The following KCNN3 variants were observed in gnomAD, a reference collection of about 807,000 sequenced individuals.
The protein encoded by KCNN3 is potassium calcium-activated channel subfamily N member 3, also known as small conductance calcium-activated potassium channel protein 3.
A neutral mutation model predicts 62.9 loss-of-function variants in KCNN3; 16 were observed. The observed-to-expected ratio is 0.25, with a 90% CI of 0.17 to 0.39. The LOEUF (loss-of-function observed/expected upper bound fraction) is 0.39, where lower values mean the gene tolerates loss of function less well. Among genes scored for constraint, KCNN3 ranks in the 10% least tolerant of loss-of-function variants. KCNN3 has a pLI of 1.00. For synonymous variants in KCNN3, 370 were observed against 389.2 expected, an observed-to-expected ratio of 0.95 and a Z score of 0.58; for missense variants, 599 against 949.4, an observed-to-expected ratio of 0.63 and a Z score of 4.85.
At chr1:154,755,331 T>C (rs542698287) in intron 3 of KCNN3, among the ~76,000 whole-genome samples, 15 of 151,794 alleles carry the variant, frequency 9.9e-5, no homozygotes, top group African/African-American at 3.6e-4. Context: ...TAGCCAGGCA[T>C]GGTGGCTTAT....
chr1:154,785,686 A>T (rs142456273), intron 2 of KCNN3, among the ~76,000 whole-genome samples: 3,353 of 149,062 alleles, frequency 0.022, 134 homozygotes, highest in African/African-American at 0.078. Flanking sequence ...GGGTTCAAGC[A>T]ATTATCCTGC....
intron 3 of KCNN3, among the ~76,000 whole-genome samples, chr1:154,744,590 T>A (rs930301662): frequency 1.3e-5 from 2 of 152,218 alleles, no homozygotes; most frequent in Admixed American, 6.5e-5. Flanking sequence ...AAGCCTGAAT[T>A]AGAAGCTATT....
chr1:154,847,628 A>G (rs1004538481), intron 1 of KCNN3, among the ~76,000 whole-genome samples: 3 of 152,216 alleles, frequency 2.0e-5, no homozygotes, highest in African/African-American at 7.2e-5. Context: ...GATTTTCCCC[A>G]GCCCCTCAAA....
intron 3 of KCNN3, among the ~76,000 whole-genome samples, chr1:154,740,921 C>A (rs1311190562): frequency 6.6e-6 from 1 of 152,102 alleles, no homozygotes; most frequent in Non-Finnish European, 1.5e-5. Context: ...TATCTTCTTC[C>A]AGTGTGTGCC....
intron 3 of KCNN3, among the ~76,000 whole-genome samples, chr1:154,756,167 A>AGAG (rs1352577030): frequency 1.0e-5 from 1 of 99,398 alleles, no homozygotes; most frequent in Non-Finnish European, 1.9e-5. Flanking sequence ...GAGAAGAAGA[A>AGAG]GAGAAGAAGA....
At chr1:154,722,978 C>T (rs1314298203) in intron 5 of KCNN3, among the ~76,000 whole-genome samples, 1 of 152,100 alleles carries the variant, frequency 6.6e-6, no homozygotes, top group Non-Finnish European at 1.5e-5. Flanking sequence ...GATCCACCCA[C>T]CTCGGCCTCC....
At chr1:154,834,222 A>G (rs972331403) in intron 1 of KCNN3, among the ~76,000 whole-genome samples, 1 of 152,208 alleles carries the variant, frequency 6.6e-6, no homozygotes, top group Admixed American at 6.5e-5. Flanking sequence ...AATTCCAGCA[A>G]TGGGGCACGA....
intron 1 of KCNN3, among the ~76,000 whole-genome samples, chr1:154,845,826 G>T (rs1349725702): frequency 6.6e-6 from 1 of 152,184 alleles, no homozygotes; most frequent in Non-Finnish European, 1.5e-5. Flanking sequence ...AAGGAAACTT[G>T]TTTAGTAAAT....
At chr1:154,868,713 T>G (rs577737375) in intron 1 of KCNN3, among the ~76,000 whole-genome samples, 1 of 152,148 alleles carries the variant, frequency 6.6e-6, no homozygotes, top group Admixed American at 6.5e-5. Flanking sequence ...GAATCCTCCC[T>G]AACAGAGAGT....
chr1:154,755,810 G>GGC (rs1647648813), intron 3 of KCNN3, among the ~76,000 whole-genome samples: 1 of 141,978 alleles, frequency 7.0e-6, no homozygotes, highest in Non-Finnish European at 1.5e-5. Flanking sequence ...GGAAGAAGAA[G>GGC]AAGGCAAAGA....
At position 154,772,328 on chromosome 1, in the gene KCNN3, G is replaced by A. The variant is rs1648596614; in HGVS notation, c.1095C>T (p.Tyr365=). The A allele has an allele frequency of 6.2e-7, 1 of 1,614,096 alleles. No individual in the cohort carries two copies. Among genetic ancestry groups the A allele is most frequent in the Non-Finnish European group, 8.5e-7 (1 of 1,180,036 alleles). The change falls in exon 3 of 8, where the codon TAC becomes TAT. Residue 365 remains tyrosine (Y), a synonymous_variant. Transcript: ENST00000271915. The surrounding 1 kb of genome is among the most constrained non-coding windows in gnomAD (Gnocchi z 5.6). ...CGCACACCAGCATCTCCAGGCTGAT[G>A]TACAGGATGCGCTCGTAGGTCATGG... ...RIAMTYERIL[Y]ISLEMLVCAI...
intron 1 of KCNN3, among the ~76,000 whole-genome samples, chr1:154,831,738 ACT>A (rs1651385506): frequency 6.6e-6 from 1 of 151,454 alleles, no homozygotes; most frequent in Non-Finnish European, 1.5e-5. Context: ...CCCTGGAGAG[ACT>A]CTATTTTGGA....
chr1:154,847,436 A>G (rs913303418), intron 1 of KCNN3, among the ~76,000 whole-genome samples: 2 of 152,240 alleles, frequency 1.3e-5, no homozygotes, highest in African/African-American at 2.4e-5. Context: ...CAATGACACA[A>G]GCAAAGCCAG....
chr1:154,841,916 CT>C (rs1651846822), intron 1 of KCNN3, among the ~76,000 whole-genome samples: 1 of 152,258 alleles, frequency 6.6e-6, no homozygotes, highest in Non-Finnish European at 1.5e-5. Context: ...AGAGCAAAGC[CT>C]TGGCCTGGCC....
intron 1 of KCNN3, among the ~76,000 whole-genome samples, chr1:154,843,015 C>T (rs974088144): frequency 1.1e-4 from 16 of 152,230 alleles, no homozygotes; most frequent in African/African-American, 1.7e-4. Flanking sequence ...AGTGGCTTAG[C>T]GAAGGACCTG....
At chr1:154,796,410 G>A (rs1466108880) in intron 2 of KCNN3, among the ~76,000 whole-genome samples, 1 of 152,172 alleles carries the variant, frequency 6.6e-6, no homozygotes, top group Non-Finnish European at 1.5e-5. Context: ...GGAAGAGGTT[G>A]AGGGCAGAGC....
chr1:154,808,473 G>A (rs1009668655), intron 2 of KCNN3, among the ~76,000 whole-genome samples: 2 of 152,192 alleles, frequency 1.3e-5, no homozygotes. Flanking sequence ...GGAACTGTGC[G>A]CCGTGCCCTC....
chr1:154,842,411 G>T (rs1287819623), intron 1 of KCNN3, among the ~76,000 whole-genome samples: 2 of 152,142 alleles, frequency 1.3e-5, no homozygotes, highest in East Asian at 3.9e-4. Flanking sequence ...GGGGCCCTGG[G>T]GCAGCACCCC....
chr1:154,814,953 T>C (rs1394550929), intron 2 of KCNN3, among the ~76,000 whole-genome samples: 6 of 152,204 alleles, frequency 3.9e-5, no homozygotes, highest in Non-Finnish European at 8.8e-5. Context: ...GCTGTGATCA[T>C]CCAGGGGCAC....
Sources: allele counts gnomAD v4.1 joint callset (sites outside exome capture counted in the v4.1 genomes callset), GRCh38; gene constraint gnomAD v4.1.1; non-coding constraint Gnocchi (gnomAD v3.1); transcripts MANE v1.5; gene names NCBI Gene and HGNC (gene_info 2026-07-23, HGNC 2026-07-21).